Variants in SIGLEC14 observed in about 807,000 individuals in gnomAD.
SIGLEC14 encodes sialic acid-binding Ig-like lectin 14.
In SIGLEC14, 11 loss-of-function variants were observed where a neutral mutation model predicts 34.2. The ratio of observed to expected loss-of-function variants is 0.32; its 90% CI spans 0.20 to 0.53. The LOEUF is 0.53. Among genes scored for constraint, SIGLEC14 ranks in the 20% least tolerant of loss-of-function variants. The pLI is 0.95. For synonymous variants in SIGLEC14, 99 were observed against 179.7 expected, an observed-to-expected ratio of 0.55 and a Z score of 3.59; for missense variants, 264 against 439.0, an observed-to-expected ratio of 0.60 and a Z score of 3.56.
Position 51,643,159 on chromosome 19 carries a change from G to T in SIGLEC14, c.*196C>A. The T allele has an allele frequency of 1.8e-6, 1 of 542,124 alleles. No individual in the cohort carries two copies. 33.6% of individuals were successfully genotyped at this position (542,124 alleles called of 1,614,324 possible). A position where few individuals can be genotyped will look rare whatever the true frequency, so the allele number is the denominator to read the frequency against. The stretch of plus-strand genomic sequence containing the variant: ...GAAGGGCAGGTGGAGAGGGGATGGG[G>T]TGCAGATGGGGATGCAGGTGTGGTG... On this transcript the variant is annotated 3_prime_UTR_variant, in exon 7 of 7. Coordinates refer to ENST00000360844, the MANE Select transcript of SIGLEC14 (RefSeq NM_001098612.3).
chr19:51,643,284 A>T lies in SIGLEC14; in HGVS notation c.*71T>A. On this transcript the variant is annotated 3_prime_UTR_variant, in exon 7 of 7. Transcript: ENST00000360844. ...GATGTGAGCTTCCAGAAAGAAGCTG[A>T]CAGTGATGTCCTGCATGTGTCCCAC... 2.9e-6 allele frequency: 4 copies of T among 1,361,450 alleles called. 1 individual carries two copies. The highest frequency in any genetic ancestry group is 4.0e-6 in the Non-Finnish European group (4 of 994,206). 84.3% of individuals were successfully genotyped at this position (1,361,450 alleles called of 1,614,324 possible).
In SIGLEC14 at chr19:51,645,351, G is replaced by A. The variant is rs184038214; in HGVS notation, c.754+126C>T. The A allele has an allele frequency of 8.2e-4, 656 of 799,434 alleles. 113 individuals carry two copies. The African/African-American group carries it at 0.011, about 13-fold the overall frequency. 49.5% of individuals were successfully genotyped at this position (799,434 alleles called of 1,614,324 possible). ...AGATCTTAGTGACTGGGATTGGGGG[G>A]TTGGGAGCAGGAAGGACCCAGACCC... On this transcript the variant is annotated intron_variant, in intron 4 of 6. Transcript: ENST00000360844.
Position 51,645,958 on chromosome 19 carries a change from G to A in SIGLEC14, c.524C>T (p.Pro175Leu), listed in dbSNP as rs1263108190. ...ATTCCCCGTCCAGGAGAATGTGAGA[G>A]GTGGTCCCGCTTCACAGGATCCTGG... ...SLPGSCEAGP[P>L]LTFSWTGNAL... Residue 175 changes from proline (P) to leucine (L), a missense_variant, in exon 3 of 7, where the codon CCT (proline) becomes CTT (leucine). This residue lies in a region of SIGLEC14 where 45 missense variants were observed against 96.7 expected (regional missense o/e 0.47). Coordinates refer to ENST00000360844, the MANE Select transcript of SIGLEC14 (RefSeq NM_001098612.3). 5.6e-6 allele frequency: 8 copies of A among 1,428,448 alleles called. 1 individual carries two copies. The highest frequency in any genetic ancestry group is 7.4e-6 in the Non-Finnish European group (8 of 1,074,240). The allele number at this position is 1,428,448 out of a possible 1,614,324, so 88.5% of individuals were successfully genotyped here. A position where few individuals can be genotyped will look rare whatever the true frequency, so the allele number is the denominator to read the frequency against.
rs538820897 is a variant in SIGLEC14, at chr19:51,641,755, T to C, written c.*1600A>G. Among the ~76,000 whole-genome samples, 15 of 139,100 alleles carry C rather than the reference T, an allele frequency of 1.1e-4. 5 individuals are homozygous for C. The highest frequency in any genetic ancestry group is 3.5e-4 in the African/African-American group (13 of 36,712). The allele number at this position is 139,100 out of a possible 152,430, so 91.3% of individuals were successfully genotyped here. A position where few individuals can be genotyped will look rare whatever the true frequency, so the allele number is the denominator to read the frequency against. On this transcript the variant is annotated 3_prime_UTR_variant, in exon 7 of 7. Coordinates refer to ENST00000360844, the MANE Select transcript of SIGLEC14 (RefSeq NM_001098612.3). ...GAGCTAAATGATGAGAACACATGGA[T>C]ACATAGAGGTGAGCAACACACACTG...
Position 51,645,636 on chromosome 19 carries a change from G to A in SIGLEC14, c.701-106C>T, listed in dbSNP as rs564289784. Reference sequence around the variant, plus strand: ...CACAGAAACCCACCAGGTGGGGACCGCTGTCCTTCCTGCCCACACACGAGT... The same window carrying A: ...CACAGAAACCCACCAGGTGGGGACCACTGTCCTTCCTGCCCACACACGAGT... On this transcript the variant is annotated intron_variant, in intron 3 of 6. Transcript: ENST00000360844. 159 of 1,444,168 alleles carry A rather than the reference G, an allele frequency of 1.1e-4. 22 individuals carry two copies. The African/African-American group carries it at 2.1e-3, about 19-fold the overall frequency. The allele number at this position is 1,444,168 out of a possible 1,614,324, so 89.5% of individuals were successfully genotyped here.
Position 51,643,158 on chromosome 19 carries a change from G to T in SIGLEC14, c.*197C>A, listed in dbSNP as rs1983944630. 2 of 534,828 alleles carry T rather than the reference G, an allele frequency of 3.7e-6. No homozygotes were observed. The highest frequency in any genetic ancestry group is 4.6e-5 in the African/African-American group (2 of 43,570). The allele number at this position is 534,828 out of a possible 1,614,324, so 33.1% of individuals were successfully genotyped here. A position where few individuals can be genotyped will look rare whatever the true frequency, so the allele number is the denominator to read the frequency against. On this transcript the variant is annotated 3_prime_UTR_variant, in exon 7 of 7. Coordinates refer to ENST00000360844, the MANE Select transcript of SIGLEC14 (RefSeq NM_001098612.3). ...AGAAGGGCAGGTGGAGAGGGGATGG[G>T]GTGCAGATGGGGATGCAGGTGTGGT...
At position 51,641,068 on chromosome 19, in the gene SIGLEC14, C is replaced by T. The variant is rs1983895300; in HGVS notation, c.*2287G>A. ...CGACAGAGTTTAAAAATACATGCAG[C>T]AAAAACTGATGAAACTGAGAGGAGA... On this transcript the variant is annotated 3_prime_UTR_variant, in exon 7 of 7. Coordinates refer to ENST00000360844, the MANE Select transcript of SIGLEC14 (RefSeq NM_001098612.3). Among the ~76,000 whole-genome samples, 1 of 138,530 alleles carries T rather than the reference C, an allele frequency of 7.2e-6. No individual in the cohort carries two copies. The highest frequency in any genetic ancestry group is 2.7e-5 in the African/African-American group (1 of 36,446). The allele number at this position is 138,530 out of a possible 152,430, so 90.9% of individuals were successfully genotyped here.
At position 51,643,662 on chromosome 19, in the gene SIGLEC14, A is replaced by G; in HGVS notation, c.1023T>C (p.Ser341=). 1 of 1,532,004 alleles carries G rather than the reference A, an allele frequency of 6.5e-7. No individual in the cohort carries two copies. Among genetic ancestry groups the G allele is most frequent in the Non-Finnish European group, 8.8e-7 (1 of 1,140,992 alleles). 94.9% of individuals were successfully genotyped at this position (1,532,004 alleles called of 1,614,324 possible). The change falls in exon 6 of 7, where the codon TCT becomes TCC. Residue 341 remains serine, a synonymous_variant. Transcript: ENST00000360844. ...GTTTCTCAGTTACACATATGCAGGA[A>G]GAGGAGCTTCCTGGGAGAAAGGAGA... ...SFILSVQRSS[S]SCICVTEKQQ...
chr19:51,643,266 G>A lies in SIGLEC14; in HGVS notation c.*89C>T. On this transcript the variant is annotated 3_prime_UTR_variant, in exon 7 of 7. Coordinates refer to ENST00000360844, the MANE Select transcript of SIGLEC14 (RefSeq NM_001098612.3). Reference sequence around the variant, plus strand: ...AAGAGGGGTAGTCAGTGGGATGTGAGCTTCCAGAAAGAAGCTGACAGTGAT... The same window carrying A: ...AAGAGGGGTAGTCAGTGGGATGTGAACTTCCAGAAAGAAGCTGACAGTGAT... 7.9e-7 allele frequency: 1 copy of A among 1,258,700 alleles called. No individual in the cohort carries two copies. 78.0% of individuals were successfully genotyped at this position (1,258,700 alleles called of 1,614,324 possible).
rs779743728 is a variant in SIGLEC14, at chr19:51,643,370, A to T, written c.1176T>A (p.Ala392=). ...TRCGGPQQSR[A]ERPG ...CGGGAGGGGCTCAGCCAGGCCTCTC[A>T]GCCCTGCTCTGCTGGGGGCCTCCAC... Residue 392 remains alanine (A), a synonymous_variant, in exon 7 of 7, where the codon GCT becomes GCA. Coordinates refer to ENST00000360844, the MANE Select transcript of SIGLEC14 (RefSeq NM_001098612.3). The T allele has an allele frequency of 6.6e-7, 1 of 1,523,298 alleles. No homozygotes were observed. The highest frequency in any genetic ancestry group is 1.2e-5 in the South Asian group (1 of 82,848). 94.4% of individuals were successfully genotyped at this position (1,523,298 alleles called of 1,614,324 possible). A position where few individuals can be genotyped will look rare whatever the true frequency, so the allele number is the denominator to read the frequency against.
Position 51,643,810 on chromosome 19 carries a change from G to A in SIGLEC14, c.981C>T (p.Ser327=). 5 of 1,525,922 alleles carry A rather than the reference G, an allele frequency of 3.3e-6. 2 individuals are homozygous for A. Among genetic ancestry groups the A allele is most frequent in the Non-Finnish European group, 4.4e-6 (5 of 1,136,462 alleles). The allele number at this position is 1,525,922 out of a possible 1,614,324, so 94.5% of individuals were successfully genotyped here. ...CAGAAAGGATGAAGGACAGGTGCTG[G>A]GAGCCCAGCGGATGCTGAACCCGGC... ...FTCRVQHPLG[S]QHLSFILSVQ... Residue 327 remains serine (S), a synonymous_variant, in exon 5 of 7, where the codon TCC becomes TCT. Transcript: ENST00000360844.
chr19:51,639,999 G>T lies in SIGLEC14; in HGVS notation c.*3356C>A, dbSNP rs1983874442. The stretch of plus-strand genomic sequence containing the variant: ...GAACCACAATAAGAAAATGATGACT[G>T]AATTGTCATGAGAAACTCACCCGCC... On this transcript the variant is annotated 3_prime_UTR_variant, in exon 7 of 7. Coordinates refer to ENST00000360844, the MANE Select transcript of SIGLEC14 (RefSeq NM_001098612.3). 1 of 139,354 alleles carries T rather than the reference G, an allele frequency of 7.2e-6. No homozygotes were observed. Among genetic ancestry groups the T allele is most frequent in the Non-Finnish European group, 1.5e-5 (1 of 65,068 alleles). The allele number at this position is 139,354 out of a possible 1,614,324, so 8.6% of individuals were successfully genotyped here.
In SIGLEC14 at chr19:51,641,033, A is replaced by G; in HGVS notation, c.*2322T>C. On this transcript the variant is annotated 3_prime_UTR_variant, in exon 7 of 7. Transcript: ENST00000360844. ...GAAGACATGAGAATTCTTAATATGT[A>G]TGCACCTAACGACAGAGTTTAAAAA... Among the ~76,000 whole-genome samples, 1 of 139,008 alleles carries G rather than the reference A, an allele frequency of 7.2e-6. No homozygotes were observed. The highest frequency in any genetic ancestry group is 3.3e-4 in the East Asian group (1 of 3,008). The allele number at this position is 139,008 out of a possible 152,430, so 91.2% of individuals were successfully genotyped here. A position where few individuals can be genotyped will look rare whatever the true frequency, so the allele number is the denominator to read the frequency against.
Position 51,641,195 on chromosome 19 carries a change from C to T in SIGLEC14, c.*2160G>A, listed in dbSNP as rs1321099673. Among the ~76,000 whole-genome samples, 1 of 138,464 alleles carries T rather than the reference C, an allele frequency of 7.2e-6. No individual in the cohort carries two copies. The highest frequency in any genetic ancestry group is 2.8e-5 in the African/African-American group (1 of 36,326). The allele number at this position is 138,464 out of a possible 152,430, so 90.8% of individuals were successfully genotyped here. A position where few individuals can be genotyped will look rare whatever the true frequency, so the allele number is the denominator to read the frequency against. On this transcript the variant is annotated 3_prime_UTR_variant, in exon 7 of 7. Transcript: ENST00000360844. ...AGTTACCAGCTATAAAACTGAACAC[C>T]ATTGGACAACTATGTCTAATTGCCA...
At chr19:51,646,121 C>G (rs1380456955) in intron 2 of SIGLEC14, 61 bp from the exon 3 acceptor site, 5 of 806,044 alleles carry the variant, frequency 6.2e-6, no homozygotes, top group Non-Finnish European at 8.9e-6. Flanking sequence ...GGTGTGACCC[C>G]GAGAGTGGCC....
intron 2 of SIGLEC14, 85 bp from the exon 3 acceptor site, chr19:51,646,145 C>G (rs1022454730): frequency 2.5e-6 from 2 of 810,856 alleles, no homozygotes; most frequent in Admixed American, 2.9e-5. Context: ...CCTCAGGCCC[C>G]GACCTGCCCC....
rs1421527216 is a variant in SIGLEC14, at chr19:51,641,606, C to T, written c.*1749G>A. ...TACATATACACCATGGAATACTAAG[C>T]AGCCATAAAAAAGAATGAGATTATG... On this transcript the variant is annotated 3_prime_UTR_variant, in exon 7 of 7. Coordinates refer to ENST00000360844, the MANE Select transcript of SIGLEC14 (RefSeq NM_001098612.3). Among the ~76,000 whole-genome samples the T allele has an allele frequency of 7.2e-6, 1 of 139,406 alleles. No individual in the cohort carries two copies. Among genetic ancestry groups the T allele is most frequent in the Non-Finnish European group, 1.5e-5 (1 of 65,052 alleles). 91.5% of individuals were successfully genotyped at this position (139,406 alleles called of 152,430 possible). A position where few individuals can be genotyped will look rare whatever the true frequency, so the allele number is the denominator to read the frequency against.
rs1183685389 is a variant in SIGLEC14, at chr19:51,641,275, G to A, written c.*2080C>T. ...CACATTCTTTCTAAGCACACATGGA[G>A]CATTCACCAAGATAGACCAGTGTCA... On this transcript the variant is annotated 3_prime_UTR_variant, in exon 7 of 7. Coordinates refer to ENST00000360844, the MANE Select transcript of SIGLEC14 (RefSeq NM_001098612.3). Among the ~76,000 whole-genome samples the A allele has an allele frequency of 2.9e-5, 4 of 139,202 alleles. No homozygotes were observed. The highest frequency in any genetic ancestry group is 1.1e-4 in the African/African-American group (4 of 36,678). 91.3% of individuals were successfully genotyped at this position (139,202 alleles called of 152,430 possible).
At position 51,640,842 on chromosome 19, in the gene SIGLEC14, G is replaced by A. The variant is rs1983890056; in HGVS notation, c.*2513C>T. Among the ~76,000 whole-genome samples the A allele has an allele frequency of 7.2e-6, 1 of 138,342 alleles. No individual in the cohort carries two copies. Among genetic ancestry groups the A allele is most frequent in the Middle Eastern group, 3.5e-3 (1 of 286 alleles). The allele number at this position is 138,342 out of a possible 152,430, so 90.8% of individuals were successfully genotyped here. On this transcript the variant is annotated 3_prime_UTR_variant, in exon 7 of 7. Coordinates refer to ENST00000360844, the MANE Select transcript of SIGLEC14 (RefSeq NM_001098612.3). Reference sequence around the variant, plus strand: ...CAAAAAAAACTAGCCAGGCGTGATGGTGCGTGCCTGTAATCCAAGCTATTT... The same window carrying A: ...CAAAAAAAACTAGCCAGGCGTGATGATGCGTGCCTGTAATCCAAGCTATTT...
Sources: allele counts gnomAD v4.1 joint callset (sites outside exome capture counted in the v4.1 genomes callset), GRCh38; gene constraint gnomAD v4.1.1; regional missense constraint gnomAD v4.1.1; transcripts MANE v1.5; gene names NCBI Gene and HGNC (gene_info 2026-07-23, HGNC 2026-07-21).